Variants in PCLO observed in about 807,000 individuals in gnomAD.
PCLO encodes the protein protein piccolo.
PCLO carries 82 observed loss-of-function variants against 427.5 expected under a neutral mutation model. The ratio of observed to expected loss-of-function variants is 0.19; its 90% CI spans 0.16 to 0.23. PCLO has a LOEUF of 0.23. PCLO is among the 10% of genes least tolerant of loss of function. The pLI, the probability that PCLO is intolerant of heterozygous loss-of-function variation, is 1.00. For missense variants in PCLO, 6,239 were observed against 6,115.9 expected, an observed-to-expected ratio of 1.02 and a Z score of -0.67; for synonymous variants, 2,357 against 2,155.4, an observed-to-expected ratio of 1.09 and a Z score of -2.59.
chr7:82,923,339 C>G (rs1344480455), intron 6 of PCLO, among the ~76,000 whole-genome samples: 2 of 151,804 alleles, frequency 1.3e-5, no homozygotes. Context: ...GAAACACATC[C>G]AGAGAATGCT....
rs375276538 is a variant in PCLO, at chr7:82,952,539, C to T, written c.8414G>A (p.Ser2805Asn). The change falls in exon 5 of 25, where the codon AGT becomes AAT. Residue 2805 changes from serine (S) to asparagine (N), a missense_variant. Transcript: ENST00000333891. ...VTFVTCTASASYTTGTESLVG... is the reference protein window; with the variant it reads ...VTFVTCTASANYTTGTESLVG... ...TAGGCTTTCTGTGCCTGTAGTGTAA[C>T]TTGCACTAGCTGTGCATGTGACAAA... The T allele has an allele frequency of 2.5e-6, 4 of 1,613,826 alleles. No individual in the cohort carries two copies. The African/African-American group carries it at 5.3e-5, about 22-fold the overall frequency.
At chr7:83,142,098 T>A (rs1341020381) in intron 2 of PCLO, among the ~76,000 whole-genome samples, 6 of 151,574 alleles carry the variant, frequency 4.0e-5, no homozygotes, top group Admixed American at 3.3e-4. Context: ...CTCTTCTATG[T>A]AACTCTAACT....
rs1792303134 is a variant in PCLO at position 83,156,412 on chromosome 7, A to C, written c.249-20T>G. ...TGTTTCCTAGAAGAGTTAAAAAAAA[A>C]AAAAAAAATCAAGTGAAAATAATGG... On this transcript the variant is annotated intron_variant, in intron 1 of 24. Coordinates refer to ENST00000333891, the MANE Select transcript of PCLO (RefSeq NM_033026.6). The C allele has an allele frequency of 7.0e-7, 1 of 1,428,238 alleles. No individual in the cohort carries two copies. Among genetic ancestry groups the C allele is most frequent in the Non-Finnish European group, 9.4e-7 (1 of 1,059,128 alleles). 88.5% of individuals were successfully genotyped at this position (1,428,238 alleles called of 1,614,324 possible). A position where few individuals can be genotyped will look rare whatever the true frequency, so the allele number is the denominator to read the frequency against.
chr7:82,915,007 A>T lies in PCLO; in HGVS notation c.12979T>A (p.Ser4327Thr), dbSNP rs758678560. 3 of 1,613,664 alleles carry T rather than the reference A, an allele frequency of 1.9e-6. No individual in the cohort carries two copies. In the South Asian group the frequency reaches 3.3e-5, roughly 18 times the overall value. The change falls in exon 7 of 25, where the codon TCC becomes ACC. Residue 4327 changes from serine (S) to threonine (T), a missense_variant. Ser to Thr is a moderately conservative substitution (Grantham distance 58). Coordinates refer to ENST00000333891, the MANE Select transcript of PCLO (RefSeq NM_033026.6). ...KAQEAEALDVSFSHASSSART... is the reference protein window; with the variant it reads ...KAQEAEALDVTFSHASSSART... ...GCAGAGGATGATGCATGACTAAAGG[A>T]AACATCTAGAGCTTCAGCCTCTTGA...
chr7:83,048,469 G>A (rs901251653), intron 3 of PCLO, among the ~76,000 whole-genome samples: 20 of 151,960 alleles, frequency 1.3e-4, no homozygotes, highest in African/African-American at 3.4e-4. Flanking sequence ...AAAGCCAACT[G>A]AGCTGTTGGT....
intron 5 of PCLO, 96 bp from the exon 6 acceptor site, chr7:82,951,586 A>G: frequency 1.1e-6 from 1 of 904,128 alleles, no homozygotes; most frequent in Non-Finnish European, 1.7e-6. Context: ...AATGAATGAG[A>G]CTGCATGCAA....
At chr7:82,990,898 A>C (rs2115839829) in intron 3 of PCLO, among the ~76,000 whole-genome samples, 1 of 152,274 alleles carries the variant, frequency 6.6e-6, no homozygotes, top group Admixed American at 6.5e-5. Context: ...ACAATAAAGC[A>C]AATTATCAAA....
chr7:82,974,636 A>G (rs758800755), intron 3 of PCLO, among the ~76,000 whole-genome samples: 72 of 152,138 alleles, frequency 4.7e-4, no homozygotes, highest in Non-Finnish European at 1.3e-4. Flanking sequence ...ATAGCTATTT[A>G]TGTATTATAA....
At chr7:82,938,381 A>G (rs186653614) in intron 6 of PCLO, among the ~76,000 whole-genome samples, 6 of 152,034 alleles carry the variant, frequency 3.9e-5, no homozygotes, top group Non-Finnish European at 5.9e-5. Context: ...TTCATTCAAC[A>G]TTATATTTTC....
Position 82,771,781 on chromosome 7 carries a change from A to C in PCLO, c.15008-10288T>G, listed in dbSNP as rs146789864. Among the ~76,000 whole-genome samples the C allele has an allele frequency of 1.5e-3, 225 of 152,058 alleles. 6 individuals are homozygous for C. The East Asian group carries it at 0.037, about 25-fold the overall frequency. ...GGCGTGTATATATTGTGGAGACAGG[A>C]GTGGTTATTTATGGGGAGATTAGCA... On this transcript the variant is annotated intron_variant, in intron 22 of 24. Transcript: ENST00000333891.
At position 82,909,002 on chromosome 7, in the gene PCLO, G is replaced by A. The variant is rs752985178; in HGVS notation, c.13312C>T (p.Arg4438Cys). The change falls in exon 8 of 25, where the codon CGT becomes TGT. Residue 4438 changes from arginine to cysteine, a missense_variant. Physicochemically the swap from Arg to Cys is radical, Grantham distance 180. Around this residue, in one of 5 missense-constraint regions of PCLO, gnomAD observed 877 missense variants for 925.5 expected, o/e 0.95. Coordinates refer to ENST00000333891, the MANE Select transcript of PCLO (RefSeq NM_033026.6). ...TCAAACCAATCTGTTTCCTCACGAC[G>A]CAGATGATAGGCTTTGGACACCAAG... Reference protein sequence around the residue: ...AMSDSEAYHLRREETDWFDKP... With the variant: ...AMSDSEAYHLCREETDWFDKP... 6 of 1,612,426 alleles carry A rather than the reference G, an allele frequency of 3.7e-6. No individual in the cohort carries two copies. Among genetic ancestry groups the A allele is most frequent in the Non-Finnish European group, 5.1e-6 (6 of 1,179,014 alleles).
intron 17 of PCLO, 50 bp from the exon 18 acceptor site, chr7:82,826,710 T>A: frequency 8.5e-7 from 1 of 1,180,102 alleles, no homozygotes. Context: ...CCATCATACA[T>A]TTTCATTACA....
chr7:82,916,744 T>C lies in PCLO; in HGVS notation c.11242A>G (p.Arg3748Gly), dbSNP rs1794476865. 2 of 1,613,700 alleles carry C rather than the reference T, an allele frequency of 1.2e-6. No homozygotes were observed. Among genetic ancestry groups the C allele is most frequent in the African/African-American group, 2.7e-5 (2 of 75,034 alleles). Reference protein sequence around the residue: ...STFSTMGTVSRRRICRTNTMA... With the variant: ...STFSTMGTVSGRRICRTNTMA... The stretch of plus-strand genomic sequence containing the variant: ...GTGTTGGTTCTGCAGATCCTTCTCC[T>C]GGAAACTGTGCCCATTGTGCTGAAT... The change falls in exon 7 of 25, where the codon AGG becomes GGG. Residue 3748 changes from arginine to glycine, a missense_variant. Physicochemically the swap from Arg to Gly is moderately radical, Grantham distance 125. Coordinates refer to ENST00000333891, the MANE Select transcript of PCLO (RefSeq NM_033026.6).
intron 3 of PCLO, among the ~76,000 whole-genome samples, chr7:83,002,760 C>T (rs1276103167): frequency 6.6e-6 from 1 of 151,700 alleles, no homozygotes; most frequent in East Asian, 1.9e-4. Context: ...CCACAAAAAG[C>T]GAAAATAACT....
rs374205993 is a variant in PCLO at position 82,830,092 on chromosome 7, A to C, written c.14250-2126T>G. On this transcript the variant is annotated intron_variant, in intron 16 of 24. Transcript: ENST00000333891. ...GAAAACTTGTAAATTATGAATATTAAATTCAATTTAGTGAGTTTTTTAATG... is the reference window on the plus strand; with the variant it reads ...GAAAACTTGTAAATTATGAATATTACATTCAATTTAGTGAGTTTTTTAATG... 7.9e-5 allele frequency among the ~76,000 whole-genome samples: 12 copies of C among 151,996 alleles called. No individual in the cohort carries two copies. The East Asian group carries it at 1.2e-3, about 15-fold the overall frequency.
intron 3 of PCLO, among the ~76,000 whole-genome samples, chr7:82,981,776 G>A (rs556705245): frequency 2.6e-5 from 4 of 152,208 alleles, no homozygotes; most frequent in South Asian, 2.1e-4. Context: ...ATCTAAGCAC[G>A]TAAATGAAAA....
rs1795344472 is a variant in PCLO at position 82,951,391 on chromosome 7, G to A, written c.9197C>T (p.Ala3066Val). The change falls in exon 6 of 25, where the codon GCA becomes GTA. Residue 3066 changes from alanine to valine, a missense_variant. Physicochemically the swap from Ala to Val is moderately conservative, Grantham distance 64. This residue lies in a region of PCLO where 4,677 missense variants were observed against 4,468.4 expected (regional missense o/e 1.05). Transcript: ENST00000333891. ...GGGTCCTGGTGGTGGTGTCATTCTT[G>A]CTGTGGAATACTGTGGGGTACTAAT... is the stretch of plus-strand genomic sequence containing the variant. ...AGISTPQYST[A>V]RMTPPPGPQY... 2 of 1,602,158 alleles carry A rather than the reference G, an allele frequency of 1.2e-6. No individual in the cohort carries two copies. The highest frequency in any genetic ancestry group is 1.7e-6 in the Non-Finnish European group (2 of 1,173,718).
intron 6 of PCLO, among the ~76,000 whole-genome samples, chr7:82,919,799 A>G (rs187303169): frequency 6.6e-6 from 1 of 151,926 alleles, no homozygotes; most frequent in Non-Finnish European, 1.5e-5. Context: ...CCACAGCATA[A>G]ATTTTCTTTT....
At chr7:83,023,291 A>G (rs1323290922) in intron 3 of PCLO, among the ~76,000 whole-genome samples, 1 of 152,228 alleles carries the variant, frequency 6.6e-6, no homozygotes, top group Admixed American at 6.5e-5. Context: ...ACTATTCTTA[A>G]AAGTCAAACA....
Sources: allele counts gnomAD v4.1 joint callset (sites outside exome capture counted in the v4.1 genomes callset), GRCh38; gene constraint gnomAD v4.1.1; regional missense constraint gnomAD v4.1.1; transcripts MANE v1.5; gene names NCBI Gene and HGNC (gene_info 2026-07-23, HGNC 2026-07-21).